The following TTC7B variants were observed in gnomAD, a reference collection of about 807,000 sequenced individuals.
The protein encoded by TTC7B is tetratricopeptide repeat domain 7B.
Under a neutral mutation model 106.8 loss-of-function variants are expected in TTC7B, and 28 were observed. That is an observed-to-expected ratio of 0.26 (90% CI 0.19 to 0.36). TTC7B has a LOEUF of 0.36. Among genes scored for constraint, TTC7B ranks in the 10% least tolerant of loss-of-function variants. TTC7B has a pLI of 1.00. For synonymous variants in TTC7B, 405 were observed against 430.6 expected (o/e 0.94, Z 0.74); for missense variants, 862 against 1,076.4 (o/e 0.80, Z 2.79).
chr14:90,762,719 C>T (rs2140018402), intron 3 of TTC7B, among the ~76,000 whole-genome samples: 1 of 152,294 alleles, frequency 6.6e-6, no homozygotes, highest in African/African-American at 2.4e-5. Flanking sequence ...ATAGAGACTA[C>T]TCCTCAAAGC....
At chr14:90,662,928 C>T (rs1164927417) in intron 9 of TTC7B, among the ~76,000 whole-genome samples, 1 of 152,108 alleles carries the variant, frequency 6.6e-6, no homozygotes, top group African/African-American at 2.4e-5. Flanking sequence ...AATATCTTTA[C>T]AAAATATTTA....
intron 19 of TTC7B, among the ~76,000 whole-genome samples, chr14:90,552,904 G>A (rs1411109660): frequency 6.6e-6 from 1 of 152,222 alleles, no homozygotes; most frequent in Non-Finnish European, 1.5e-5. Flanking sequence ...CTTCAAGTTA[G>A]CCAAACAAAC....
At chr14:90,643,489 C>T (rs997597697) in intron 15 of TTC7B, among the ~76,000 whole-genome samples, 2 of 151,992 alleles carry the variant, frequency 1.3e-5, no homozygotes, top group Non-Finnish European at 2.9e-5. Context: ...CAATGGTACA[C>T]ATTGGGAAAG....
intron 16 of TTC7B, among the ~76,000 whole-genome samples, chr14:90,617,389 C>T (rs960571794): frequency 1.3e-5 from 2 of 152,192 alleles, no homozygotes; most frequent in African/African-American, 4.8e-5. Flanking sequence ...TTAACATTTT[C>T]CTGGTTCCTG....
At chr14:90,690,566 G>A (rs1475076002) in intron 6 of TTC7B, among the ~76,000 whole-genome samples, 2 of 152,130 alleles carry the variant, frequency 1.3e-5, no homozygotes, top group African/African-American at 4.8e-5. Flanking sequence ...CACTTAGCTT[G>A]TAATCTTCCA....
intron 17 of TTC7B, among the ~76,000 whole-genome samples, chr14:90,609,950 C>G (rs1275187124): frequency 6.6e-6 from 1 of 152,086 alleles, no homozygotes; most frequent in African/African-American, 2.4e-5. Flanking sequence ...GGGCTGCAGT[C>G]AAAATGCAGT....
chr14:90,736,933 C>T (rs189257805), intron 4 of TTC7B, among the ~76,000 whole-genome samples: 4 of 141,118 alleles, frequency 2.8e-5, no homozygotes, highest in South Asian at 2.3e-4. Context: ...TACGTATATA[C>T]ACACATACAT....
Position 90,646,270 on chromosome 14 carries a change from T to TCTTG in TTC7B, c.1590+677_1590+680dup, listed in dbSNP as rs1421879571. On this transcript the variant is annotated intron_variant, in intron 14 of 19. Coordinates refer to ENST00000328459, the MANE Select transcript of TTC7B (RefSeq NM_001010854.2). ...GAATGTGCTGGGGTTACCACCAGTGTCTTGCACCTGGTGGGTGGCCAGGCA... is the reference window on the plus strand; with the variant it reads ...GAATGTGCTGGGGTTACCACCAGTGTCTTGCTTGCACCTGGTGGGTGGCCAGGCA... Among the ~76,000 whole-genome samples, 4 of 152,178 alleles carry TCTTG rather than the reference T, an allele frequency of 2.6e-5. No homozygotes were observed. In the South Asian group the frequency reaches 6.2e-4, roughly 24 times the overall value.
Position 90,757,030 on chromosome 14 carries a change from C to T in TTC7B, c.446-12108G>A, listed in dbSNP as rs1270754084. Among the ~76,000 whole-genome samples the T allele has an allele frequency of 6.6e-6, 1 of 152,144 alleles. No individual in the cohort carries two copies. The highest frequency in any genetic ancestry group is 1.5e-5 in the Non-Finnish European group (1 of 68,030). ...CTAGCCGCCCACCATGAGCAGAATC[C>T]AGAATGGGAAGAGGCAGAAGAGATC... On this transcript the variant is annotated intron_variant, in intron 3 of 19. Coordinates refer to ENST00000328459, the MANE Select transcript of TTC7B (RefSeq NM_001010854.2). This position sits in a 1 kb window ranked among gnomAD's most constrained non-coding sequence, Gnocchi z 4.1.
At chr14:90,796,971 G>T (rs959121113) in intron 1 of TTC7B, among the ~76,000 whole-genome samples, 1 of 150,920 alleles carries the variant, frequency 6.6e-6, no homozygotes, top group Non-Finnish European at 1.5e-5. Context: ...TCAGCCTCCC[G>T]AGTAGCTGGG....
intron 4 of TTC7B, among the ~76,000 whole-genome samples, chr14:90,732,084 C>T (rs534350610): frequency 1.3e-5 from 2 of 152,090 alleles, no homozygotes; most frequent in Admixed American, 1.3e-4. Context: ...TCTTTGTGGA[C>T]ACATGTATCA....
Position 90,595,011 on chromosome 14 carries a change from G to T in TTC7B, c.1967-1385C>A, listed in dbSNP as rs541971393. On this transcript the variant is annotated intron_variant, in intron 17 of 19. Transcript: ENST00000328459. ...CTGGAAAGGTCTAACAAGTCCTGCT[G>T]CACAATACGGAACTCAGAGGCTGAG... 3.9e-5 allele frequency among the ~76,000 whole-genome samples: 6 copies of T among 152,294 alleles called. No homozygotes were observed. The South Asian group carries it at 1.2e-3, about 32-fold the overall frequency.
chr14:90,664,981 C>G (rs1255833779), intron 9 of TTC7B, among the ~76,000 whole-genome samples: 1 of 152,156 alleles, frequency 6.6e-6, no homozygotes, highest in African/African-American at 2.4e-5. Context: ...CAGTGGATGG[C>G]AAAGGCAGTG....
chr14:90,580,199 T>A (rs749450279), intron 18 of TTC7B, among the ~76,000 whole-genome samples: 1 of 150,506 alleles, frequency 6.6e-6, no homozygotes, highest in Non-Finnish European at 1.5e-5. Context: ...GAACAGTGCC[T>A]GGCACATAGT....
intron 6 of TTC7B, among the ~76,000 whole-genome samples, 178 bp downstream of exon 6, chr14:90,695,322 A>C (rs1381646338): frequency 1.5e-5 from 2 of 134,698 alleles, no homozygotes; most frequent in East Asian, 4.4e-4. Context: ...TATATTTATA[A>C]CACATATATG....
At chr14:90,778,848 C>A (rs1347367185) in intron 3 of TTC7B, among the ~76,000 whole-genome samples, 1 of 152,208 alleles carries the variant, frequency 6.6e-6, no homozygotes, top group Non-Finnish European at 1.5e-5. Flanking sequence ...AGGAGCCTGG[C>A]AGTACTCAAG....
rs1030978439 is a variant in TTC7B at position 90,535,599 on chromosome 14, C to T, written c.*5769G>A. 6.6e-6 allele frequency: 1 copy of T among 152,568 alleles called. No individual in the cohort carries two copies. Among genetic ancestry groups the T allele is most frequent in the Non-Finnish European group, 1.5e-5 (1 of 68,238 alleles). The allele number at this position is 152,568 out of a possible 1,614,324, so 9.5% of individuals were successfully genotyped here. A position where few individuals can be genotyped will look rare whatever the true frequency, so the allele number is the denominator to read the frequency against. The stretch of plus-strand genomic sequence containing the variant: ...TCAACACTCAACACGGCCCCTTCCC[C>T]ACCGGACTCCTAACCTGTGTTCTCA... On this transcript the variant is annotated 3_prime_UTR_variant, in exon 20 of 20. Coordinates refer to ENST00000328459, the MANE Select transcript of TTC7B (RefSeq NM_001010854.2).
At chr14:90,745,731 G>C (rs996348261) in intron 3 of TTC7B, among the ~76,000 whole-genome samples, 1 of 146,528 alleles carries the variant, frequency 6.8e-6, no homozygotes, top group African/African-American at 2.5e-5. Context: ...TGGAGATGTA[G>C]TCTCGCTCTG....
chr14:90,680,431 G>A (rs896447043), intron 8 of TTC7B, 41 bp downstream of exon 8: 19 of 1,534,482 alleles, frequency 1.2e-5, no homozygotes, highest in Non-Finnish European at 1.7e-5. Context: ...AGGGTCTACA[G>A]GGCCAGGGGA....
Sources: allele counts gnomAD v4.1 joint callset (sites outside exome capture counted in the v4.1 genomes callset), GRCh38; gene constraint gnomAD v4.1.1; non-coding constraint Gnocchi (gnomAD v3.1); transcripts MANE v1.5; gene names NCBI Gene and HGNC (gene_info 2026-07-23, HGNC 2026-07-21).